The following EPHA7 variants were observed in gnomAD, a reference collection of about 807,000 sequenced individuals.
The protein encoded by EPHA7 is ephrin type-A receptor 7.
A neutral mutation model predicts 112.6 loss-of-function variants in EPHA7; 25 were observed. That is an observed-to-expected ratio of 0.22 (90% confidence interval 0.16 to 0.31). EPHA7 has a LOEUF of 0.31. EPHA7 is among the 10% of genes least tolerant of loss of function. The pLI, the probability that EPHA7 is intolerant of heterozygous loss-of-function variation, is 1.00. For missense variants in EPHA7, 962 were observed against 1,212.6 expected, an observed-to-expected ratio of 0.79 and a Z score of 3.07; for synonymous variants, 437 against 406.5, an observed-to-expected ratio of 1.07 and a Z score of -0.90.
At chr6:93,303,766 A>G (rs1460481830) in intron 5 of EPHA7, among the ~76,000 whole-genome samples, 2 of 152,108 alleles carry the variant, frequency 1.3e-5, no homozygotes, top group East Asian at 3.9e-4. Flanking sequence ...GTGAAGTTAT[A>G]TTTCTGAAGT....
At chr6:93,283,688 C>T (rs1490970150) in intron 5 of EPHA7, among the ~76,000 whole-genome samples, 1 of 152,130 alleles carries the variant, frequency 6.6e-6, no homozygotes, top group Non-Finnish European at 1.5e-5. Context: ...ACTCCAAACA[C>T]ATCCGAATAT....
At chr6:93,417,454 A>T (rs1261737238) in intron 1 of EPHA7, among the ~76,000 whole-genome samples, 1 of 152,054 alleles carries the variant, frequency 6.6e-6, no homozygotes, top group Non-Finnish European at 1.5e-5. Context: ...TTTATACATC[A>T]CACTTCTGCA....
At chr6:93,360,385 A>G (rs1041706798) in intron 3 of EPHA7, among the ~76,000 whole-genome samples, 6 of 152,162 alleles carry the variant, frequency 3.9e-5, no homozygotes, top group African/African-American at 1.4e-4. Flanking sequence ...TCGCTGTCTG[A>G]GACATTAAGG....
rs191032715 is a variant in EPHA7 at position 93,254,775 on chromosome 6, A to T, written c.2404T>A (p.Trp802Arg). The change falls in exon 14 of 17, where the codon TGG (tryptophan) becomes AGG (arginine). Residue 802 changes from tryptophan to arginine, a missense_variant. Physicochemically the swap from Trp to Arg is moderately radical, Grantham distance 101. Transcript: ENST00000369303. ...TTTGGKIPVR[W>R]TAPEAIQYRK... ...TACTGGATGGCTTCGGGTGCTGTCC[A>T]CCTTACTGGAATTTTTCCACCCTGT... is the stretch of plus-strand genomic sequence containing the variant. The T allele has an allele frequency of 6.2e-7, 1 of 1,611,838 alleles. No homozygotes were observed. The highest frequency in any genetic ancestry group is 8.5e-7 in the Non-Finnish European group (1 of 1,178,772).
At chr6:93,257,643 C>T (rs1770498325) in intron 11 of EPHA7, 120 bp from the exon 12 acceptor site, 1 of 645,078 alleles carries the variant, frequency 1.6e-6, no homozygotes, top group Non-Finnish European at 2.6e-6. Context: ...GAAGTATGAG[C>T]ATTTCTTTTA....
chr6:93,350,690 T>C (rs1159146636), intron 5 of EPHA7, among the ~76,000 whole-genome samples: 1 of 152,028 alleles, frequency 6.6e-6, no homozygotes, highest in Admixed American at 6.6e-5. Flanking sequence ...AGCTTTCTTA[T>C]ATTTTCAGAA....
At chr6:93,375,536 T>C (rs566628280) in intron 3 of EPHA7, among the ~76,000 whole-genome samples, 1 of 151,708 alleles carries the variant, frequency 6.6e-6, no homozygotes, top group African/African-American at 2.4e-5. Flanking sequence ...GAGGATCACT[T>C]AGGCCTGGGA....
chr6:93,344,031 T>C (rs1167278818), intron 5 of EPHA7, among the ~76,000 whole-genome samples: 1 of 151,542 alleles, frequency 6.6e-6, no homozygotes, highest in Non-Finnish European at 1.5e-5. Context: ...AATTTTTAGG[T>C]GGTTATACTT....
At chr6:93,390,251 A>G (rs560644978) in intron 3 of EPHA7, among the ~76,000 whole-genome samples, 12 of 151,732 alleles carry the variant, frequency 7.9e-5, no homozygotes, top group African/African-American at 2.9e-4. Flanking sequence ...TAAAAAAAAA[A>G]GGTGAATGAA....
In EPHA7 at chr6:93,412,031, T is replaced by C. The variant is rs572971164; in HGVS notation, c.163-861A>G. On this transcript the variant is annotated intron_variant, in intron 2 of 16. Transcript: ENST00000369303. The stretch of plus-strand genomic sequence containing the variant: ...GTGCATTTGTCAGAATTTGCAACAA[T>C]TTCAAACTATTAAACCATATATAAT... Among the ~76,000 whole-genome samples the C allele has an allele frequency of 4.3e-4, 66 of 152,196 alleles. 1 individual carries two copies. The highest frequency in any genetic ancestry group is 1.5e-3 in the African/African-American group (64 of 41,584).
intron 3 of EPHA7, among the ~76,000 whole-genome samples, chr6:93,390,609 G>C (rs1326708780): frequency 6.6e-6 from 1 of 151,520 alleles, no homozygotes; most frequent in African/African-American, 2.4e-5. Context: ...AGGGCTGGGG[G>C]GAGTGGGGAT....
At chr6:93,271,578 A>G (rs1334829576) in intron 6 of EPHA7, among the ~76,000 whole-genome samples, 3 of 151,950 alleles carry the variant, frequency 2.0e-5, no homozygotes, top group East Asian at 3.9e-4. Flanking sequence ...CATGGCTCAC[A>G]TAAACATTTT....
intron 5 of EPHA7, among the ~76,000 whole-genome samples, chr6:93,333,508 T>C (rs936395695): frequency 2.6e-5 from 4 of 151,920 alleles, no homozygotes; most frequent in African/African-American, 9.7e-5. Flanking sequence ...CCACCAGCAG[T>C]GTATAAGTTT....
chr6:93,355,273 A>G (rs1266180893), intron 5 of EPHA7, among the ~76,000 whole-genome samples: 2 of 152,186 alleles, frequency 1.3e-5, no homozygotes, highest in Admixed American at 6.5e-5. Flanking sequence ...TCTGATTCAA[A>G]CAGCCTTTGA....
chr6:93,352,429 T>G (rs1775739715), intron 5 of EPHA7, among the ~76,000 whole-genome samples: 1 of 152,136 alleles, frequency 6.6e-6, no homozygotes. Context: ...TAGGATTTAC[T>G]TTTATACTCT....
intron 14 of EPHA7, among the ~76,000 whole-genome samples, chr6:93,248,808 TC>T (rs772475831): frequency 2.0e-5 from 3 of 152,126 alleles, no homozygotes; most frequent in Non-Finnish European, 4.4e-5. Flanking sequence ...CACATCCTGA[TC>T]CTCCTGCCTC....
intron 5 of EPHA7, among the ~76,000 whole-genome samples, chr6:93,300,551 A>G (rs897991291): frequency 2.6e-5 from 4 of 152,278 alleles, no homozygotes; most frequent in South Asian, 4.1e-4. Flanking sequence ...CATGAATACA[A>G]TAATAAACAG....
At chr6:93,411,223 C>T in intron 2 of EPHA7, 53 bp from the exon 3 acceptor site, 2 of 1,481,308 alleles carry the variant, frequency 1.4e-6, no homozygotes, top group Non-Finnish European at 1.8e-6. Flanking sequence ...TAACATTTTG[C>T]TTTTGAAAGT....
intron 3 of EPHA7, among the ~76,000 whole-genome samples, chr6:93,360,214 A>C (rs1776190609): frequency 6.6e-6 from 1 of 152,168 alleles, no homozygotes; most frequent in African/African-American, 2.4e-5. Flanking sequence ...ACATTAAAAA[A>C]TATGGTTAAC....
Sources: allele counts gnomAD v4.1 joint callset (sites outside exome capture counted in the v4.1 genomes callset), GRCh38; gene constraint gnomAD v4.1.1; transcripts MANE v1.5; gene names NCBI Gene and HGNC (gene_info 2026-07-23, HGNC 2026-07-21).